The following FBN2 variants were observed in gnomAD, a reference collection of about 807,000 sequenced individuals.
FBN2 encodes fibrillin 2.
FBN2 carries 105 observed loss-of-function variants against 355.6 expected under a neutral mutation model. That is an observed-to-expected ratio of 0.30 (90% confidence interval 0.25 to 0.35). The LOEUF is 0.35. FBN2 is among the 10% of genes least tolerant of loss of function. The pLI is 1.00. For missense variants in FBN2, 3,280 were observed against 3,758.7 expected, an observed-to-expected ratio of 0.87 and a Z score of 3.33; for synonymous variants, 1,350 against 1,301.2, an observed-to-expected ratio of 1.04 and a Z score of -0.81.
At chr5:128,471,393 T>C (rs1754857102) in intron 5 of FBN2, among the ~76,000 whole-genome samples, 1 of 152,152 alleles carries the variant, frequency 6.6e-6, no homozygotes, top group Non-Finnish European at 1.5e-5. Context: ...AAGATTTGCC[T>C]TGGATGTCTG....
intron 7 of FBN2, among the ~76,000 whole-genome samples, chr5:128,438,614 A>G (rs903075622): frequency 6.6e-6 from 1 of 152,220 alleles, no homozygotes; most frequent in Admixed American, 6.5e-5. Flanking sequence ...ATAATGTGCC[A>G]TAGATGTACC....
chr5:128,414,247 C>G (rs1403058085), intron 7 of FBN2, among the ~76,000 whole-genome samples: 1 of 152,110 alleles, frequency 6.6e-6, no homozygotes, highest in Non-Finnish European at 1.5e-5. Flanking sequence ...ATTTTCATCC[C>G]CCCCCAAGGA....
chr5:128,294,948 C>T (rs1749460161), intron 48 of FBN2, among the ~76,000 whole-genome samples: 1 of 139,106 alleles, frequency 7.2e-6, no homozygotes, highest in Non-Finnish European at 1.5e-5. Flanking sequence ...AGGTTTTCTT[C>T]TAGGGTTTTT....
chr5:128,316,320 G>C (rs1010904670), intron 36 of FBN2, among the ~76,000 whole-genome samples: 4 of 152,140 alleles, frequency 2.6e-5, no homozygotes, highest in South Asian at 4.1e-4. Flanking sequence ...AAAAATAACA[G>C]CTAGGATGAT....
Position 128,464,919 on chromosome 5 carries a change from A to C in FBN2, c.631T>G (p.Tyr211Asp), listed in dbSNP as rs1554071528. 6.2e-7 allele frequency: 1 copy of C among 1,614,210 alleles called. No homozygotes were observed. Among genetic ancestry groups the C allele is most frequent in the African/African-American group, 1.3e-5 (1 of 75,066 alleles). The change falls in exon 6 of 65, where the codon TAC (tyrosine) becomes GAC (aspartate). Residue 211 changes from tyrosine to aspartate, a missense_variant and splice_region_variant. Physicochemically the swap from Tyr to Asp is radical, Grantham distance 160. Around this residue, in one of 6 missense-constraint regions of FBN2, gnomAD observed 130 missense variants for 189.9 expected, o/e 0.68. Transcript: ENST00000262464. The stretch of plus-strand genomic sequence containing the variant: ...TGAGTGAAACACGGGCCTGTCCTGT[A>C]ATCTGGAATGTGGGAGAAGAAAGAA... ...GFTGPQCERD[Y>D]RTGPCFTQVN...
intron 7 of FBN2, among the ~76,000 whole-genome samples, chr5:128,430,716 G>A (rs1280582891): frequency 6.6e-6 from 1 of 151,734 alleles, no homozygotes; most frequent in Admixed American, 6.6e-5. Context: ...TGGTGGCACA[G>A]GCCTATAATC....
chr5:128,537,256 G>A, intron 1 of FBN2, 94 bp downstream of exon 1: 1 of 1,557,496 alleles, frequency 6.4e-7, no homozygotes, highest in Non-Finnish European at 8.6e-7. Flanking sequence ...CCAGCTAAAG[G>A]GTCTGGGACG....
At chr5:128,357,433 A>T in intron 19 of FBN2, 38 bp from the exon 20 acceptor site, 1 of 1,613,002 alleles carries the variant, frequency 6.2e-7, no homozygotes, top group Non-Finnish European at 8.5e-7. Flanking sequence ...TAGAACTGCC[A>T]TGTGTTTCTG....
intron 31 of FBN2, among the ~76,000 whole-genome samples, chr5:128,334,266 G>A (rs988744980): frequency 6.6e-6 from 1 of 152,124 alleles, no homozygotes; most frequent in African/African-American, 2.4e-5. Flanking sequence ...AAAGATGGGA[G>A]AAAGGAAGAA....
intron 14 of FBN2, 87 bp downstream of exon 14, chr5:128,376,644 G>A: frequency 6.8e-7 from 1 of 1,464,720 alleles, no homozygotes. Context: ...GCCACATGGG[G>A]AAGCTGAAGT....
chr5:128,313,093 T>A (rs1270066220), intron 36 of FBN2, among the ~76,000 whole-genome samples: 1 of 152,182 alleles, frequency 6.6e-6, no homozygotes, highest in Non-Finnish European at 1.5e-5. Flanking sequence ...GGACCTCCAA[T>A]AATAGGAATA....
At chr5:128,288,708 C>T in intron 52 of FBN2, 151 bp from the exon 53 acceptor site, 1 of 845,720 alleles carries the variant, frequency 1.2e-6, no homozygotes, top group Non-Finnish European at 2.0e-6. Flanking sequence ...TGGCTGGCAG[C>T]TATGTAGTGC....
At chr5:128,277,124 C>T (rs1048633464) in intron 58 of FBN2, among the ~76,000 whole-genome samples, 4 of 152,052 alleles carry the variant, frequency 2.6e-5, no homozygotes, top group African/African-American at 9.7e-5. Flanking sequence ...CCTTTTAATG[C>T]CAAGTGTGCT....
intron 6 of FBN2, among the ~76,000 whole-genome samples, chr5:128,456,641 G>A (rs1754403113): frequency 6.6e-6 from 1 of 151,998 alleles, no homozygotes; most frequent in Non-Finnish European, 1.5e-5. Flanking sequence ...TAGTCATGGG[G>A]GCGAATCAGA....
intron 5 of FBN2, among the ~76,000 whole-genome samples, chr5:128,471,765 T>C (rs551602712): frequency 2.8e-4 from 43 of 152,262 alleles, no homozygotes; most frequent in African/African-American, 9.6e-4. Flanking sequence ...GGCTTATATA[T>C]AGAATTGGAT....
chr5:128,455,924 C>G (rs577982535), intron 6 of FBN2, among the ~76,000 whole-genome samples: 346 of 142,170 alleles, frequency 2.4e-3, no homozygotes, highest in South Asian at 0.012. Context: ...GGGGTTGTGG[C>G]GACCAGCTCC....
At chr5:128,392,248 T>G (rs1012358750) in intron 10 of FBN2, 93 bp from the exon 11 acceptor site, 1 of 1,059,292 alleles carries the variant, frequency 9.4e-7, no homozygotes, top group Non-Finnish European at 1.4e-6. Context: ...AGTAAATTAA[T>G]TAGATGTATA....
intron 6 of FBN2, among the ~76,000 whole-genome samples, chr5:128,455,897 G>A (rs948309718): frequency 1.4e-5 from 2 of 146,896 alleles, no homozygotes; most frequent in Admixed American, 7.1e-5. Context: ...ATCTGCTTAA[G>A]CCTATGGAGC....
At chr5:128,310,864 G>A (rs1190686510) in intron 39 of FBN2, among the ~76,000 whole-genome samples, 2 of 152,070 alleles carry the variant, frequency 1.3e-5, no homozygotes, top group East Asian at 1.9e-4. Flanking sequence ...GATCAAGTGG[G>A]GGGATGGAAG....
Sources: gnomAD v4.1 joint callset for allele counts (sites outside exome capture counted in the v4.1 genomes callset) on GRCh38, gnomAD v4.1.1 for gene constraint, gnomAD v4.1.1 regional missense constraint, MANE v1.5 for transcripts, NCBI Gene and HGNC (gene_info 2026-07-23, HGNC 2026-07-21) for gene names.